The following NCALD variants were observed in gnomAD, a reference collection of about 807,000 sequenced individuals.
NCALD encodes the protein neurocalcin-delta.
A neutral mutation model predicts 18.6 loss-of-function variants in NCALD; 10 were observed. That is an observed-to-expected ratio of 0.54 (90% confidence interval 0.33 to 0.91). The LOEUF (loss-of-function observed/expected upper bound fraction) is 0.91. Ranked by LOEUF, NCALD falls within the 40% of genes least tolerant of loss-of-function variation. The pLI is 0.03. For missense variants in NCALD, 184 were observed against 247.6 expected (o/e 0.74, Z 1.72); for synonymous variants, 88 against 87.4 (o/e 1.01, Z -0.04).
intron 1 of NCALD, among the ~76,000 whole-genome samples, chr8:102,025,870 T>C (rs574847697): frequency 6.6e-6 from 1 of 152,288 alleles, no homozygotes; most frequent in African/African-American, 2.4e-5. Flanking sequence ...AGGTAATTTA[T>C]AAAGAAAAGA....
At chr8:101,815,870 A>G (rs1175072841) in intron 4 of NCALD, among the ~76,000 whole-genome samples, 3 of 152,138 alleles carry the variant, frequency 2.0e-5, no homozygotes, top group African/African-American at 7.2e-5. Context: ...TTTATTCATA[A>G]TTGCCAAAAC....
intron 4 of NCALD, among the ~76,000 whole-genome samples, chr8:101,859,786 C>A (rs1205628138): frequency 1.3e-5 from 2 of 152,134 alleles, no homozygotes; most frequent in African/African-American, 4.8e-5. Flanking sequence ...AATAGAAATT[C>A]TGGAAGAGAA....
intron 2 of NCALD, among the ~76,000 whole-genome samples, chr8:101,974,464 T>C (rs1206577683): frequency 6.6e-6 from 1 of 152,188 alleles, no homozygotes; most frequent in Non-Finnish European, 1.5e-5. Context: ...GGAGGCAGTA[T>C]ATTATCATGG....
chr8:102,039,689 T>C (rs1822984192), intron 1 of NCALD, among the ~76,000 whole-genome samples: 2 of 152,140 alleles, frequency 1.3e-5, no homozygotes. Flanking sequence ...ATCATTTGAA[T>C]GTTCATCCTC....
intron 1 of NCALD, among the ~76,000 whole-genome samples, chr8:102,086,540 C>G (rs926547199): frequency 2.0e-5 from 3 of 152,220 alleles, no homozygotes; most frequent in African/African-American, 7.2e-5. Flanking sequence ...TTACCCTCCT[C>G]TTGAATCAAG....
chr8:101,825,057 AC>A (rs1385515619), intron 4 of NCALD, among the ~76,000 whole-genome samples: 1 of 152,138 alleles, frequency 6.6e-6, no homozygotes, highest in African/African-American at 2.4e-5. Context: ...TACCCCCACA[AC>A]TGACCCAGCT....
intron 4 of NCALD, among the ~76,000 whole-genome samples, chr8:101,835,289 C>G (rs1356516477): frequency 6.6e-6 from 1 of 152,224 alleles, no homozygotes; most frequent in East Asian, 1.9e-4. Context: ...CTCTGCAATA[C>G]TCTAGGCAAT....
chr8:101,740,508 A>G (rs1202304131), intron 1 of NCALD, among the ~76,000 whole-genome samples: 1 of 152,242 alleles, frequency 6.6e-6, no homozygotes, highest in Non-Finnish European at 1.5e-5. Flanking sequence ...TCTGCAGGGT[A>G]TCTCATGGTA....
intron 4 of NCALD, among the ~76,000 whole-genome samples, chr8:101,833,610 GTTTTTTTTTTTTTT>G (rs555031298): frequency 1.5e-3 from 130 of 88,466 alleles, no homozygotes; most frequent in African/African-American, 5.4e-3. Flanking sequence ...TTTGTTTCTT[GTTTTTTTTTTTTTT>G]TTTTTTTTTG....
chr8:101,773,561 C>A (rs749575064), intron 1 of NCALD, among the ~76,000 whole-genome samples: 11 of 152,138 alleles, frequency 7.2e-5, no homozygotes, highest in Non-Finnish European at 1.5e-5. Context: ...CTCCCTGCAC[C>A]TGAGCATCAC....
intron 1 of NCALD, among the ~76,000 whole-genome samples, chr8:101,727,864 G>T (rs891800239): frequency 1.2e-4 from 19 of 152,120 alleles, no homozygotes; most frequent in African/African-American, 4.1e-4. Context: ...CCTCTTAAGG[G>T]CCTTTGCTTT....
intron 4 of NCALD, among the ~76,000 whole-genome samples, chr8:101,814,760 T>G (rs2131158260): frequency 6.6e-6 from 1 of 152,210 alleles, no homozygotes; most frequent in East Asian, 1.9e-4. Context: ...ATAGCAAGGT[T>G]GCAGGATACA....
Position 101,931,085 on chromosome 8 carries a change from C to T in NCALD, c.-156-15227G>A, listed in dbSNP as rs767179476. On this transcript the variant is annotated intron_variant, in intron 2 of 6. Transcript: ENST00000311028. ...CCCTGGTGTCACTAAGCCTGATGTC[C>T]GCCAGCGTGGACCACTCCATTGACT... is the stretch of plus-strand genomic sequence containing the variant. Among the ~76,000 whole-genome samples the T allele has an allele frequency of 4.0e-4, 61 of 152,134 alleles. 1 individual carries two copies. The highest frequency in any genetic ancestry group is 7.9e-4 in the Admixed American group (12 of 15,274).
chr8:102,094,375 A>G (rs1003514231), intron 1 of NCALD, among the ~76,000 whole-genome samples: 3 of 152,220 alleles, frequency 2.0e-5, no homozygotes, highest in African/African-American at 7.2e-5. Context: ...TCTGTAAGGT[A>G]GATACTGTAC....
At chr8:102,095,511 G>A (rs534604368) in intron 1 of NCALD, among the ~76,000 whole-genome samples, 1 of 152,216 alleles carries the variant, frequency 6.6e-6, no homozygotes, top group South Asian at 2.1e-4. Flanking sequence ...CATTGACTAG[G>A]GACTGGCTCC....
At chr8:101,887,497 G>T (rs1267468409) in intron 3 of NCALD, among the ~76,000 whole-genome samples, 1 of 152,304 alleles carries the variant, frequency 6.6e-6, no homozygotes, top group Admixed American at 6.5e-5. Flanking sequence ...TCTCTGGACA[G>T]ATGCTACGCA....
chr8:101,694,336 C>A (rs7841416), intron 2 of NCALD: 143,382 of 152,264 alleles, frequency 0.94, 67,581 homozygotes, highest in South Asian at 0.97. Flanking sequence ...TGAAGCTTCA[C>A]CTGAGCTGCT....
At chr8:101,942,174 T>C (rs6991178) in intron 2 of NCALD, among the ~76,000 whole-genome samples, 55,830 of 151,810 alleles carry the variant, frequency 0.37, 10,565 homozygotes, top group South Asian at 0.44. Flanking sequence ...TTCTCGGAAC[T>C]AGAACTCATG....
intron 1 of NCALD, among the ~76,000 whole-genome samples, chr8:102,060,777 A>G (rs76739553): frequency 6.6e-6 from 1 of 152,282 alleles, no homozygotes; most frequent in Admixed American, 6.5e-5. Context: ...ATCAGACCAA[A>G]AAAAAAAATT....
Sources: allele counts gnomAD v4.1 joint callset (sites outside exome capture counted in the v4.1 genomes callset), GRCh38; gene constraint gnomAD v4.1.1; transcripts MANE v1.5; gene names NCBI Gene and HGNC (gene_info 2026-07-23, HGNC 2026-07-21).